Variants in NPAS3 observed in about 807,000 individuals in gnomAD.
NPAS3 encodes the protein neuronal PAS domain-containing protein 3.
NPAS3 carries 14 observed loss-of-function variants against 73.1 expected under a neutral mutation model. The ratio of observed to expected loss-of-function variants is 0.19; its 90% CI spans 0.13 to 0.30. The LOEUF is 0.30. Among genes scored for constraint, NPAS3 ranks in the 10% least tolerant of loss-of-function variants. The probability of loss-of-function intolerance (pLI) is 1.00; values close to 1 mark genes in which losing one functional copy is unlikely to be tolerated. For synonymous variants in NPAS3, 620 were observed against 541.5 expected (o/e 1.14, Z -2.01); for missense variants, 1,096 against 1,250.0 (o/e 0.88, Z 1.86).
chr14:33,020,740 C>G lies in NPAS3; in HGVS notation c.51-35165C>G, dbSNP rs1377585232. ...AGCTGTTCATCAGTGATTCCTTTCA[C>G]CACATCAAGTCCAACGTTTTTGTTT... On this transcript the variant is annotated intron_variant, in intron 1 of 11. Coordinates refer to ENST00000356141, the Ensembl canonical transcript of NPAS3. 3.3e-5 allele frequency among the ~76,000 whole-genome samples: 5 copies of G among 151,984 alleles called. 1 individual carries two copies. Among genetic ancestry groups the G allele is most frequent in the African/African-American group, 1.2e-4 (5 of 41,362 alleles).
intron 1 of NPAS3, among the ~76,000 whole-genome samples, chr14:32,957,445 C>T (rs1283785251): frequency 6.7e-6 from 1 of 150,078 alleles, no homozygotes; most frequent in Non-Finnish European, 1.5e-5. Context: ...GATCTCGGCT[C>T]ACTGCAAGCT....
intron 2 of NPAS3, among the ~76,000 whole-genome samples, chr14:33,144,615 C>T (rs2044173302): frequency 6.6e-6 from 1 of 152,160 alleles, no homozygotes; most frequent in Non-Finnish European, 1.5e-5. Flanking sequence ...GCTCATGGCT[C>T]ACTAGAGCCT....
chr14:33,412,494 G>T (rs2047973513), intron 4 of NPAS3, among the ~76,000 whole-genome samples: 1 of 152,082 alleles, frequency 6.6e-6, no homozygotes, highest in African/African-American at 2.4e-5. Flanking sequence ...TTCTTCATCT[G>T]CAATATTCCC....
intron 1 of NPAS3, among the ~76,000 whole-genome samples, chr14:33,044,480 G>A (rs758975076): frequency 2.0e-5 from 3 of 152,140 alleles, no homozygotes; most frequent in Non-Finnish European, 2.9e-5. Flanking sequence ...TGAGCTGATG[G>A]ATGTGTATAG....
rs1176606241 is a variant in NPAS3 at position 33,683,427 on chromosome 14, C to CAAAAAAAAAAAAA, written c.733+7054_733+7066dup. Among the ~76,000 whole-genome samples the CAAAAAAAAAAAAA allele has an allele frequency of 2.6e-5, 2 of 77,522 alleles. 1 individual carries two copies. The highest frequency in any genetic ancestry group is 9.9e-5 in the African/African-American group (2 of 20,198). 50.9% of individuals were successfully genotyped at this position (77,522 alleles called of 152,430 possible). A position where few individuals can be genotyped will look rare whatever the true frequency, so the allele number is the denominator to read the frequency against. ...AATTATGACCTGTTTTTCCTCATTTCAAAAAAAAAAAAAAAAAAAAAAAAG... is the reference window on the plus strand; with the variant it reads ...AATTATGACCTGTTTTTCCTCATTTCAAAAAAAAAAAAAAAAAAAAAAAAAAAAAAAAAAAAAG... On this transcript the variant is annotated intron_variant, in intron 6 of 11. Transcript: ENST00000356141.
intron 4 of NPAS3, among the ~76,000 whole-genome samples, chr14:33,497,155 C>T (rs1029788265): frequency 6.6e-6 from 1 of 152,084 alleles, no homozygotes; most frequent in East Asian, 1.9e-4. Flanking sequence ...TGTGAAGGAC[C>T]TCTTCAAGGA....
At position 33,378,562 on chromosome 14, in the gene NPAS3, G is replaced by A. The variant is rs760403212; in HGVS notation, c.468+11294G>A. On this transcript the variant is annotated intron_variant, in intron 4 of 11. Transcript: ENST00000356141. Reference sequence around the variant, plus strand: ...GAGGTAGGAGAATCGCTTGAACCCCGGAGGTAGAGACTGCAGTGAGCCAGG... The same window carrying A: ...GAGGTAGGAGAATCGCTTGAACCCCAGAGGTAGAGACTGCAGTGAGCCAGG... Among the ~76,000 whole-genome samples the A allele has an allele frequency of 4.9e-4, 75 of 152,082 alleles. 1 individual carries two copies. Among genetic ancestry groups the A allele is most frequent in the Admixed American group, 4.0e-3 (61 of 15,260 alleles).
chr14:32,969,353 A>T (rs535315614), intron 1 of NPAS3, among the ~76,000 whole-genome samples: 5 of 152,140 alleles, frequency 3.3e-5, no homozygotes, highest in African/African-American at 1.2e-4. Context: ...TGGGGAGTAC[A>T]TGAGGGTGCC....
chr14:33,391,244 A>AGT (rs1187401575), intron 4 of NPAS3, among the ~76,000 whole-genome samples: 1 of 124,486 alleles, frequency 8.0e-6, no homozygotes, highest in African/African-American at 3.2e-5. Context: ...CCCAGGCTGG[A>AGT]GTGCAATGGC....
At chr14:33,494,246 C>A (rs1192019750) in intron 4 of NPAS3, among the ~76,000 whole-genome samples, 1 of 152,088 alleles carries the variant, frequency 6.6e-6, no homozygotes, top group Non-Finnish European at 1.5e-5. Context: ...TCCAAAACAG[C>A]TTTAGAGAAA....
At chr14:33,024,723 A>T (rs923729540) in intron 1 of NPAS3, among the ~76,000 whole-genome samples, 1 of 152,226 alleles carries the variant, frequency 6.6e-6, no homozygotes, top group Non-Finnish European at 1.5e-5. Context: ...ATAGAAATAC[A>T]CCAATGAAAA....
intron 2 of NPAS3, among the ~76,000 whole-genome samples, chr14:33,127,534 C>T (rs193288496): frequency 1.3e-5 from 2 of 152,066 alleles, no homozygotes; most frequent in Non-Finnish European, 2.9e-5. Flanking sequence ...TGGGCTTCTT[C>T]CTCCAAACAA....
At chr14:33,320,135 G>T (rs535799091) in intron 3 of NPAS3, among the ~76,000 whole-genome samples, 2 of 152,234 alleles carry the variant, frequency 1.3e-5, no homozygotes, top group Admixed American at 1.3e-4. Flanking sequence ...TTTGCAGAAA[G>T]GGAATGGCAT....
intron 6 of NPAS3, among the ~76,000 whole-genome samples, chr14:33,704,959 C>T (rs2060617659): frequency 6.6e-6 from 1 of 152,240 alleles, no homozygotes; most frequent in African/African-American, 2.4e-5. Context: ...TCAGGCAGGT[C>T]GCTCATAAAC....
chr14:33,510,130 C>T (rs867045407), intron 4 of NPAS3, among the ~76,000 whole-genome samples: 7 of 152,026 alleles, frequency 4.6e-5, no homozygotes, highest in South Asian at 2.1e-4. Context: ...TGGAGCAGTG[C>T]GATGTGGTGT....
At chr14:33,420,584 G>A (rs992765198) in intron 4 of NPAS3, among the ~76,000 whole-genome samples, 2 of 151,752 alleles carry the variant, frequency 1.3e-5, no homozygotes, top group Non-Finnish European at 2.9e-5. Context: ...AAACAATGTG[G>A]AACCATGGAG....
At chr14:33,132,453 T>G (rs1033554741) in intron 2 of NPAS3, among the ~76,000 whole-genome samples, 1 of 152,120 alleles carries the variant, frequency 6.6e-6, no homozygotes, top group Non-Finnish European at 1.5e-5. Context: ...ACCTGTTCAC[T>G]TAATGAGAAA....
chr14:33,547,258 C>T (rs12590660), intron 4 of NPAS3, among the ~76,000 whole-genome samples: 51,456 of 151,942 alleles, frequency 0.34, 10,035 homozygotes, highest in East Asian at 0.53. Context: ...GGTCATCCTG[C>T]TACTAAAGCA....
At chr14:33,510,070 GCTCTCAGGACATGCTC>G (rs2052971555) in intron 4 of NPAS3, among the ~76,000 whole-genome samples, 1 of 152,060 alleles carries the variant, frequency 6.6e-6, no homozygotes. Flanking sequence ...AAGGAGGAGA[GCTCTCAGGACATGCTC>G]CTCCATAACG....
Sources: allele counts gnomAD v4.1 joint callset (sites outside exome capture counted in the v4.1 genomes callset), GRCh38; gene constraint gnomAD v4.1.1; transcripts MANE v1.5; gene names NCBI Gene and HGNC (gene_info 2026-07-23, HGNC 2026-07-21).